Variants in ASB15 observed in about 807,000 individuals in gnomAD.
ASB15 encodes the protein ankyrin repeat and SOCS box protein 15.
A neutral mutation model predicts 58.0 loss-of-function variants in ASB15; 54 were observed. The observed-to-expected ratio is 0.93, with a 90% CI of 0.75 to 1.17. The LOEUF is 1.17. Among genes scored for constraint, ASB15 ranks in the 50% most tolerant of loss-of-function variants. ASB15 has a pLI of 0.00. For synonymous variants in ASB15, 249 were observed against 262.4 expected (o/e 0.95, Z 0.50); for missense variants, 680 against 707.4 (o/e 0.96, Z 0.44).
At chr7:123,569,546 T>C (rs1798850255) in intron 1 of ASB15, among the ~76,000 whole-genome samples, 1 of 152,132 alleles carries the variant, frequency 6.6e-6, no homozygotes, top group South Asian at 2.1e-4. Context: ...GACCATAAAA[T>C]CTGGAAGGAA....
chr7:123,630,404 A>T (rs773825272), intron 11 of ASB15, among the ~76,000 whole-genome samples: 2 of 152,252 alleles, frequency 1.3e-5, no homozygotes, highest in Non-Finnish European at 2.9e-5. Flanking sequence ...TACAATACGT[A>T]GACTGCAAGC....
intron 8 of ASB15, 112 bp downstream of exon 8, chr7:123,624,926 C>T (rs1348165232): frequency 1.3e-5 from 17 of 1,314,608 alleles, no homozygotes; most frequent in Non-Finnish European, 1.8e-5. Context: ...TCCTCTTCCT[C>T]TGCTGAATGG....
chr7:123,604,430 AAAT>A (rs908887733), intron 2 of ASB15, among the ~76,000 whole-genome samples: 2 of 151,856 alleles, frequency 1.3e-5, no homozygotes, highest in African/African-American at 4.8e-5. Context: ...AAAAATACAA[AAAT>A]TAGCCCAGCA....
intron 4 of ASB15, chr7:123,615,165 T>C (rs1483409694): frequency 2.0e-5 from 3 of 152,510 alleles, no homozygotes; most frequent in African/African-American, 7.2e-5. Flanking sequence ...GATTATCTAC[T>C]ACCCAAATGA....
intron 1 of ASB15, chr7:123,584,739 G>A (rs1297570402): frequency 6.6e-6 from 1 of 151,856 alleles, no homozygotes; most frequent in Admixed American, 6.6e-5. Context: ...TTCTATTCAC[G>A]AAGAAATAAA....
chr7:123,631,241 T>C (rs1394645401), intron 11 of ASB15, among the ~76,000 whole-genome samples: 4 of 152,324 alleles, frequency 2.6e-5, no homozygotes, highest in African/African-American at 9.6e-5. Flanking sequence ...GCAAAGTAGA[T>C]GTAAGATAGT....
At chr7:123,620,503 C>CAT (rs1184654107) in intron 7 of ASB15, among the ~76,000 whole-genome samples, 50 of 53,056 alleles carry the variant, frequency 9.4e-4, no homozygotes, top group Admixed American at 1.3e-3. Context: ...GACACATATA[C>CAT]ATACATATAT....
intron 1 of ASB15, among the ~76,000 whole-genome samples, chr7:123,571,947 G>GT (rs1798918274): frequency 1.3e-5 from 2 of 151,548 alleles, no homozygotes; most frequent in African/African-American, 4.8e-5. Flanking sequence ...TTTTTTTAAT[G>GT]TTTTTATAGA....
intron 1 of ASB15, among the ~76,000 whole-genome samples, chr7:123,581,290 T>G (rs1799228279): frequency 6.6e-6 from 1 of 151,768 alleles, no homozygotes; most frequent in Non-Finnish European, 1.5e-5. Flanking sequence ...ACACTTTGAA[T>G]TCAAAACGAG....
At chr7:123,581,579 T>G (rs2116319352) in intron 1 of ASB15, among the ~76,000 whole-genome samples, 1 of 152,076 alleles carries the variant, frequency 6.6e-6, no homozygotes, top group South Asian at 2.1e-4. Context: ...ACATATTAGG[T>G]TTCTGAAAAG....
intron 2 of ASB15, among the ~76,000 whole-genome samples, chr7:123,605,595 A>G (rs1292136115): frequency 6.6e-6 from 1 of 152,206 alleles, no homozygotes; most frequent in Non-Finnish European, 1.5e-5. Context: ...AATCAACCTA[A>G]ATGCACAATG....
chr7:123,589,446 T>C (rs1234050395), intron 1 of ASB15, among the ~76,000 whole-genome samples: 3 of 149,076 alleles, frequency 2.0e-5, no homozygotes, highest in Admixed American at 6.7e-5. Flanking sequence ...CATTAGGTAT[T>C]TCTCCTAACA....
chr7:123,585,933 C>T (rs1326434920), intron 1 of ASB15, among the ~76,000 whole-genome samples: 2 of 151,610 alleles, frequency 1.3e-5, no homozygotes, highest in African/African-American at 4.8e-5. Flanking sequence ...GTTGAGTAAT[C>T]TTCCATGATA....
upstream of ASB15, chr7:123,598,757 C>T (rs1282148733): frequency 1.3e-5 from 2 of 152,206 alleles, no homozygotes; most frequent in Admixed American, 6.5e-5. Context: ...AGTATAACTA[C>T]CTATAGTGCT....
At chr7:123,600,814 A>G (rs1391296617), upstream of ASB15, among the ~76,000 whole-genome samples, 1 of 152,166 alleles carries the variant, frequency 6.6e-6, no homozygotes, top group Non-Finnish European at 1.5e-5. Context: ...ACTACAATCC[A>G]CGTATTTATA....
intron 7 of ASB15, among the ~76,000 whole-genome samples, chr7:123,624,270 T>A (rs1368463263): frequency 6.6e-6 from 1 of 152,138 alleles, no homozygotes; most frequent in Non-Finnish European, 1.5e-5. Context: ...GTGAAGAAAT[T>A]AAAATTTGGA....
upstream of ASB15, among the ~76,000 whole-genome samples, chr7:123,601,004 T>G (rs1007962238): frequency 1.3e-5 from 2 of 152,134 alleles, no homozygotes; most frequent in African/African-American, 2.4e-5. Flanking sequence ...GAAATGAGTT[T>G]CTAATGTAAG....
intron 1 of ASB15, among the ~76,000 whole-genome samples, chr7:123,573,363 C>T (rs1798971822): frequency 7.8e-6 from 1 of 128,930 alleles, no homozygotes; most frequent in African/African-American, 2.9e-5. Context: ...AATCTTCTTT[C>T]TTCCCATCAC....
Position 123,624,182 on chromosome 7 carries a change from C to A in ASB15, c.452-387C>A, listed in dbSNP as rs548129692. Among the ~76,000 whole-genome samples the A allele has an allele frequency of 2.6e-5, 4 of 152,198 alleles. No individual in the cohort carries two copies. The South Asian group carries it at 8.3e-4, about 32-fold the overall frequency. On this transcript the variant is annotated intron_variant, in intron 7 of 11. Coordinates refer to ENST00000451215, the MANE Select transcript of ASB15 (RefSeq NM_001290258.2). ...CCAGTTACTGAGCTCCTGTTATGTACTAGGTACTACACTGAGAATTTTACA... is the reference window on the plus strand; with the variant it reads ...CCAGTTACTGAGCTCCTGTTATGTAATAGGTACTACACTGAGAATTTTACA...
Sources: allele counts gnomAD v4.1 joint callset (sites outside exome capture counted in the v4.1 genomes callset), GRCh38; gene constraint gnomAD v4.1.1; transcripts MANE v1.5; gene names NCBI Gene and HGNC (gene_info 2026-07-23, HGNC 2026-07-21).